The following MIPOL1 variants were observed in gnomAD, a reference collection of about 807,000 sequenced individuals.
MIPOL1 encodes mirror-image polydactyly 1.
A neutral mutation model predicts 60.9 loss-of-function variants in MIPOL1; 57 were observed. The ratio of observed to expected loss-of-function variants is 0.94; its 90% CI spans 0.76 to 1.17. The LOEUF is 1.17. MIPOL1 is among the 50% of genes most tolerant of loss of function. The pLI, the probability that MIPOL1 is intolerant of heterozygous loss-of-function variation, is 0.00. For synonymous variants in MIPOL1, 179 were observed against 168.8 expected (o/e 1.06, Z -0.47); for missense variants, 551 against 511.6 (o/e 1.08, Z -0.74).
chr14:37,479,342 A>C (rs2094825991), intron 11 of MIPOL1, among the ~76,000 whole-genome samples: 1 of 152,176 alleles, frequency 6.6e-6, no homozygotes, highest in African/African-American at 2.4e-5. Context: ...AATCATATCA[A>C]GTATTTTTTT....
intron 3 of MIPOL1, among the ~76,000 whole-genome samples, chr14:37,248,445 A>G (rs892049766): frequency 6.6e-6 from 1 of 152,070 alleles, no homozygotes; most frequent in African/African-American, 2.4e-5. Context: ...TAAGAAAGAG[A>G]CAGATGTATA....
chr14:37,416,360 G>A (rs1478543683), intron 10 of MIPOL1, among the ~76,000 whole-genome samples: 4 of 152,060 alleles, frequency 2.6e-5, no homozygotes, highest in Non-Finnish European at 5.9e-5. Flanking sequence ...TTTGAGAAAT[G>A]TATCCTTAGG....
chr14:37,261,018 A>G (rs547947758), intron 3 of MIPOL1, among the ~76,000 whole-genome samples: 1 of 152,180 alleles, frequency 6.6e-6, no homozygotes, highest in East Asian at 1.9e-4. Context: ...TTTTCTCAGA[A>G]TCTTTCCTGA....
chr14:37,359,219 C>T (rs978535355), intron 9 of MIPOL1, among the ~76,000 whole-genome samples: 3 of 152,140 alleles, frequency 2.0e-5, no homozygotes, highest in African/African-American at 7.2e-5. Flanking sequence ...CAGTACCGTG[C>T]TGTTTTGGTT....
At chr14:37,460,915 A>G (rs1305898397) in intron 11 of MIPOL1, among the ~76,000 whole-genome samples, 1 of 152,234 alleles carries the variant, frequency 6.6e-6, no homozygotes, top group Non-Finnish European at 1.5e-5. Flanking sequence ...TATCATTAAA[A>G]TGATCATATT....
rs1189257776 is a variant in MIPOL1 at position 37,546,975 on chromosome 14, A to G, written c.*4A>G. On this transcript the variant is annotated 3_prime_UTR_variant, in exon 13 of 13. Transcript: ENST00000684589. The stretch of plus-strand genomic sequence containing the variant: ...GACCATGAGGACAGTGATCTGATTG[A>G]AAAAAAACGACAGTCTGGGGAAGCG... The G allele has an allele frequency of 4.4e-6, 7 of 1,589,134 alleles. No homozygotes were observed. Among genetic ancestry groups the G allele is most frequent in the Non-Finnish European group, 6.0e-6 (7 of 1,163,576 alleles).
chr14:37,449,092 A>T (rs2094381336), intron 11 of MIPOL1, among the ~76,000 whole-genome samples: 2 of 152,228 alleles, frequency 1.3e-5, no homozygotes, highest in Non-Finnish European at 2.9e-5. Context: ...TTCTTCCGTC[A>T]CTTGAGAAGT....
At chr14:37,294,668 C>G (rs2153421321) in intron 7 of MIPOL1, among the ~76,000 whole-genome samples, 1 of 152,110 alleles carries the variant, frequency 6.6e-6, no homozygotes, top group East Asian at 1.9e-4. Flanking sequence ...AATGCACAAG[C>G]CTCAGTAACC....
intron 10 of MIPOL1, among the ~76,000 whole-genome samples, chr14:37,374,979 G>A (rs2092735509): frequency 1.3e-5 from 2 of 152,072 alleles, no homozygotes; most frequent in South Asian, 4.1e-4. Flanking sequence ...TGGGCAATAT[G>A]GCTATTTTCA....
chr14:37,499,949 A>G lies in MIPOL1; in HGVS notation c.1073A>G (p.Gln358Arg). The change falls in exon 12 of 13, where the codon CAG becomes CGG. Residue 358 changes from glutamine to arginine, a missense_variant. By Grantham distance (43) the Gln-to-Arg change is conservative. Transcript: ENST00000684589. ...SLSQEENLKD[Q>R]FNYTLSTYEE... ...TCTCAAGAAGAAAATCTGAAGGATC[A>G]GTTTAACTATACCCTTAGTACATAT... is the stretch of plus-strand genomic sequence containing the variant. 1.9e-6 allele frequency: 3 copies of G among 1,599,726 alleles called. No homozygotes were observed. Among genetic ancestry groups the G allele is most frequent in the Non-Finnish European group, 2.6e-6 (3 of 1,172,756 alleles).
chr14:37,540,963 G>A (rs766881219), intron 12 of MIPOL1, among the ~76,000 whole-genome samples: 1 of 152,060 alleles, frequency 6.6e-6, no homozygotes. Flanking sequence ...CCTGATCAAT[G>A]CCATTTATTT....
At chr14:37,398,300 G>T (rs1430790086) in intron 10 of MIPOL1, among the ~76,000 whole-genome samples, 2 of 152,226 alleles carry the variant, frequency 1.3e-5, no homozygotes, top group Admixed American at 6.5e-5. Flanking sequence ...CACTTCCGCA[G>T]TTGGGGCACT....
chr14:37,264,874 T>G (rs1015383753), intron 3 of MIPOL1, among the ~76,000 whole-genome samples: 5 of 152,328 alleles, frequency 3.3e-5, no homozygotes, highest in African/African-American at 1.2e-4. Flanking sequence ...CTCTCATTTC[T>G]TCTCTCCATT....
At chr14:37,405,189 C>T (rs2093563661) in intron 10 of MIPOL1, among the ~76,000 whole-genome samples, 1 of 152,146 alleles carries the variant, frequency 6.6e-6, no homozygotes, top group Non-Finnish European at 1.5e-5. Context: ...CAGTTAAAAT[C>T]CGCAGCAGTG....
chr14:37,362,865 C>G (rs2092325515), intron 9 of MIPOL1, among the ~76,000 whole-genome samples: 1 of 152,148 alleles, frequency 6.6e-6, no homozygotes, highest in African/African-American at 2.4e-5. Context: ...ATTTGATCTT[C>G]TATCACTGAT....
chr14:37,369,722 G>C, intron 10 of MIPOL1, 98 bp downstream of exon 10: 1 of 767,910 alleles, frequency 1.3e-6, no homozygotes, highest in Non-Finnish European at 2.1e-6. Context: ...TTCAGCAGAA[G>C]TGAGCTGTGG....
At chr14:37,268,815 A>G in intron 5 of MIPOL1, 22 bp downstream of exon 5, 1 of 1,527,702 alleles carries the variant, frequency 6.5e-7, no homozygotes, top group South Asian at 1.2e-5. Flanking sequence ...AAAGTCTGAT[A>G]ATTGTATAGT....
chr14:37,459,033 T>C (rs2094509303), intron 11 of MIPOL1, among the ~76,000 whole-genome samples: 2 of 151,998 alleles, frequency 1.3e-5, no homozygotes, highest in African/African-American at 4.8e-5. Flanking sequence ...GGAAAGTTTA[T>C]AGCATTGAAT....
chr14:37,353,117 G>T (rs1161198654), intron 9 of MIPOL1, among the ~76,000 whole-genome samples: 3 of 136,150 alleles, frequency 2.2e-5, no homozygotes, highest in Admixed American at 1.5e-4. Context: ...TAGCATGAAG[G>T]GTTGTTGAAT....
Sources: allele counts gnomAD v4.1 joint callset (sites outside exome capture counted in the v4.1 genomes callset), GRCh38; gene constraint gnomAD v4.1.1; transcripts MANE v1.5; gene names NCBI Gene and HGNC (gene_info 2026-07-23, HGNC 2026-07-21).